TENM1: variants seen among roughly 807,000 people sequenced by gnomAD.
The protein encoded by TENM1 is teneurin transmembrane protein 1.
Under a neutral mutation model 174.8 loss-of-function variants are expected in TENM1, and 35 were observed. The observed-to-expected ratio is 0.20, with a 90% confidence interval of 0.15 to 0.27. TENM1 has a LOEUF of 0.27. TENM1 is among the 10% of genes least tolerant of loss of function. The pLI is 1.00. For synonymous variants in TENM1, 781 were observed against 798.7 expected, an observed-to-expected ratio of 0.98 and a Z score of 0.37; for missense variants, 1,633 against 2,130.1, an observed-to-expected ratio of 0.77 and a Z score of 4.59.
At chrX:124,555,490 A>T (rs888983751) in intron 14 of TENM1, among the ~76,000 whole-genome samples, 1 of 112,162 alleles carries the variant, frequency 8.9e-6, no homozygotes, top group East Asian at 2.8e-4. Flanking sequence ...TTTTTTTTCC[A>T]CTAAAATAAA....
At chrX:124,937,878 T>C (rs1463393515) in intron 1 of TENM1, among the ~76,000 whole-genome samples, 1 of 112,262 alleles carries the variant, frequency 8.9e-6, no homozygotes, top group Non-Finnish European at 1.9e-5. Flanking sequence ...GCTGAGCTGA[T>C]TTTTATCAAT....
intron 3 of TENM1, among the ~76,000 whole-genome samples, chrX:124,745,966 G>T (rs1234397449): frequency 1.8e-5 from 2 of 111,260 alleles, no homozygotes; most frequent in Non-Finnish European, 3.8e-5. Context: ...AGAAGTATGA[G>T]CAGGAAAGTA....
At chrX:124,616,312 T>C (rs745938227) in intron 11 of TENM1, among the ~76,000 whole-genome samples, 258 of 112,975 alleles carry the variant, frequency 2.3e-3, no homozygotes, top group Non-Finnish European at 3.3e-3. Flanking sequence ...GAACAAAAGT[T>C]GATAGCCTCA....
chrX:124,463,353 AAGAT>A (rs1230038663), intron 22 of TENM1, among the ~76,000 whole-genome samples: 1 of 112,131 alleles, frequency 8.9e-6, no homozygotes, highest in Non-Finnish European at 1.9e-5. Context: ...GACTTTGAAG[AAGAT>A]AAAGTATTAT....
At chrX:124,768,893 TGTAGA>T (rs747002650) in intron 3 of TENM1, among the ~76,000 whole-genome samples, 11 of 112,454 alleles carry the variant, frequency 9.8e-5, no homozygotes, top group Admixed American at 2.8e-4. Context: ...TTGGATTACT[TGTAGA>T]AATCACAATT....
the TENM1 span, among the ~76,000 whole-genome samples, chrX:125,068,964 T>TAAAG: frequency 8.9e-6 from 1 of 112,155 alleles, no homozygotes; most frequent in East Asian, 2.8e-4. Flanking sequence ...AATACTACAA[T>TAAAG]AAAGAACATG....
rs2060287331 is a variant in TENM1, at chrX:124,392,043, T to G, written c.5688+9A>C. ...ACTTGAAACTTGTCTTTTTCCCCTA[T>G]GTACTTACTTTTTCTAAGTAGGTAT... On this transcript the variant is annotated intron_variant, in intron 28 of 31. Coordinates refer to ENST00000422452, the Ensembl canonical transcript of TENM1. The G allele has an allele frequency of 8.4e-7, 1 of 1,185,421 alleles. No homozygotes were observed. The highest frequency in any genetic ancestry group is 1.1e-6 in the Non-Finnish European group (1 of 880,069).
intron 3 of TENM1, among the ~76,000 whole-genome samples, chrX:124,848,514 G>A (rs954558681): frequency 1.8e-5 from 2 of 111,044 alleles, no homozygotes; most frequent in Non-Finnish European, 3.8e-5. Context: ...CTTTTTGGAG[G>A]ACATTTTACC....
intron 23 of TENM1, among the ~76,000 whole-genome samples, chrX:124,434,527 G>A (rs1011677894): frequency 8.9e-6 from 1 of 112,092 alleles, no homozygotes; most frequent in African/African-American, 3.2e-5. Context: ...AGTCTGCTGT[G>A]TAATTGCCAC....
At chrX:124,979,667 G>A in the TENM1 span, among the ~76,000 whole-genome samples, 1 of 110,846 alleles carries the variant, frequency 9.0e-6, no homozygotes, top group Non-Finnish European at 1.9e-5. Flanking sequence ...TACTGGAGAT[G>A]GAGAAACATA....
the TENM1 span, among the ~76,000 whole-genome samples, chrX:125,047,133 A>C: frequency 9.0e-6 from 1 of 111,492 alleles, no homozygotes; most frequent in African/African-American, 3.3e-5. Context: ...TCTATTTTAG[A>C]ATAAGAACCT....
the TENM1 span, among the ~76,000 whole-genome samples, chrX:125,161,992 G>A: frequency 9.0e-6 from 1 of 111,661 alleles, no homozygotes; most frequent in Non-Finnish European, 1.9e-5. Context: ...ACCTAATTCT[G>A]TCCAATGAGA....
At chrX:125,124,008 A>G in the TENM1 span, among the ~76,000 whole-genome samples, 1 of 112,517 alleles carries the variant, frequency 8.9e-6, no homozygotes, top group Non-Finnish European at 1.9e-5. Flanking sequence ...GCTGTTTAAC[A>G]TCTTTGAGGT....
intron 3 of TENM1, among the ~76,000 whole-genome samples, chrX:124,740,198 C>T (rs1372225438): frequency 9.0e-6 from 1 of 111,684 alleles, no homozygotes; most frequent in Non-Finnish European, 1.9e-5. Context: ...AATTTGAGGT[C>T]TTGTGCTCAG....
At chrX:124,598,553 A>G (rs759604904) in intron 11 of TENM1, among the ~76,000 whole-genome samples, 1 of 112,318 alleles carries the variant, frequency 8.9e-6, no homozygotes, top group South Asian at 3.7e-4. Context: ...AGTAGTATTC[A>G]GCCATAAAAA....
chrX:124,742,810 T>C (rs1031329544), intron 3 of TENM1, among the ~76,000 whole-genome samples: 1 of 110,469 alleles, frequency 9.1e-6, no homozygotes, highest in African/African-American at 3.3e-5. Context: ...GACCATATAA[T>C]CTACACGTGC....
At chrX:124,830,517 C>T (rs1252229217) in intron 3 of TENM1, among the ~76,000 whole-genome samples, 5 of 111,491 alleles carry the variant, frequency 4.5e-5, no homozygotes, top group Non-Finnish European at 9.4e-5. Flanking sequence ...ACCTGGATTT[C>T]TTGCCATGTA....
chrX:124,809,732 A>G (rs750184508), intron 3 of TENM1, among the ~76,000 whole-genome samples: 4 of 108,560 alleles, frequency 3.7e-5, no homozygotes, highest in Non-Finnish European at 7.6e-5. Context: ...TAAAGTAAAG[A>G]GGCTTAGAGG....
intron 3 of TENM1, among the ~76,000 whole-genome samples, chrX:124,778,040 T>C (rs1485105459): frequency 1.8e-5 from 2 of 113,265 alleles, no homozygotes; most frequent in Non-Finnish European, 3.7e-5. Flanking sequence ...CTGACCCCTC[T>C]TGTACTGTCT....
Sources: allele counts gnomAD v4.1 joint callset (sites outside exome capture counted in the v4.1 genomes callset), GRCh38; gene constraint gnomAD v4.1.1; transcripts MANE v1.5; gene names NCBI Gene and HGNC (gene_info 2026-07-23, HGNC 2026-07-21).